Variants in PAX5 observed in about 807,000 individuals in gnomAD.
PAX5 encodes the protein paired box 5, also known as paired box protein Pax-5.
A neutral mutation model predicts 43.7 loss-of-function variants in PAX5; 9 were observed. That is an observed-to-expected ratio of 0.21 (90% CI 0.12 to 0.36). PAX5 has a LOEUF of 0.36. PAX5 is among the 10% of genes least tolerant of loss of function. The probability of loss-of-function intolerance (pLI) is 1.00; values close to 1 mark genes in which losing one functional copy is unlikely to be tolerated. For missense variants in PAX5, 383 were observed against 532.7 expected, an observed-to-expected ratio of 0.72 and a Z score of 2.77; for synonymous variants, 228 against 214.3, an observed-to-expected ratio of 1.06 and a Z score of -0.56.
At chr9:36,967,731 G>C (rs1457361621) in intron 5 of PAX5, among the ~76,000 whole-genome samples, 1 of 152,194 alleles carries the variant, frequency 6.6e-6, no homozygotes, top group Non-Finnish European at 1.5e-5. Flanking sequence ...TGAGTGAGTG[G>C]AGGTGAGGGG....
chr9:36,918,632 G>C (rs998575946), intron 7 of PAX5, among the ~76,000 whole-genome samples: 1 of 152,144 alleles, frequency 6.6e-6, no homozygotes, highest in African/African-American at 2.4e-5. Context: ...CTGCACTCCA[G>C]CCTGGGTGAC....
chr9:36,857,180 G>A (rs1432317670), intron 8 of PAX5, among the ~76,000 whole-genome samples: 1 of 152,174 alleles, frequency 6.6e-6, no homozygotes, highest in Non-Finnish European at 1.5e-5. Context: ...TGGAATGAAT[G>A]ATTTAAAAGG....
In PAX5 at chr9:36,844,436, T is replaced by A. The variant is rs1487906212; in HGVS notation, c.1099+2407A>T. ...CTTCCGTATAATAGAGATAATAATA[T>A]GTGCTCTGTAGGGTTGCTGAGAGGA... On this transcript the variant is annotated intron_variant, in intron 9 of 9. Coordinates refer to ENST00000358127, the MANE Select transcript of PAX5 (RefSeq NM_016734.3). Among the ~76,000 whole-genome samples, 3 of 151,978 alleles carry A rather than the reference T, an allele frequency of 2.0e-5. No homozygotes were observed. The East Asian group carries it at 5.8e-4, about 29-fold the overall frequency.
chr9:36,913,806 G>C (rs1031949670), intron 7 of PAX5, among the ~76,000 whole-genome samples: 1 of 152,226 alleles, frequency 6.6e-6, no homozygotes, highest in African/African-American at 2.4e-5. Flanking sequence ...CCTGGGCCGG[G>C]CTCACCATCC....
chr9:36,896,476 C>T (rs1454635938), intron 7 of PAX5, among the ~76,000 whole-genome samples: 2 of 152,068 alleles, frequency 1.3e-5, no homozygotes, highest in East Asian at 3.9e-4. Context: ...ACAGAGGCAC[C>T]TCCCAGGGTG....
At chr9:36,932,751 A>G (rs771188121) in intron 6 of PAX5, among the ~76,000 whole-genome samples, 1 of 152,194 alleles carries the variant, frequency 6.6e-6, no homozygotes, top group Non-Finnish European at 1.5e-5. Flanking sequence ...CCATTAAAAG[A>G]TAAGTGGAGT....
intron 5 of PAX5, among the ~76,000 whole-genome samples, chr9:36,997,722 C>T (rs1467976274): frequency 6.6e-6 from 1 of 152,252 alleles, no homozygotes; most frequent in Non-Finnish European, 1.5e-5. Flanking sequence ...AACTGGGTGG[C>T]ACCCCAGCCT....
intron 5 of PAX5, 36 bp from the exon 6 acceptor site, chr9:36,966,760 G>A (rs751020692): frequency 6.3e-7 from 1 of 1,585,692 alleles, no homozygotes; most frequent in South Asian, 1.1e-5. Context: ...GTGAGTGGAG[G>A]TTATACACGT....
chr9:36,990,794 G>A (rs548828306), intron 5 of PAX5, among the ~76,000 whole-genome samples: 1 of 152,228 alleles, frequency 6.6e-6, no homozygotes, highest in Non-Finnish European at 1.5e-5. Context: ...AGATGGTGGA[G>A]CCCCTGCTTC....
intron 6 of PAX5, among the ~76,000 whole-genome samples, chr9:36,934,854 T>C (rs1205645765): frequency 6.6e-6 from 1 of 152,220 alleles, no homozygotes; most frequent in African/African-American, 2.4e-5. Flanking sequence ...CAGCAGCTCC[T>C]GGCCCAGTGC....
At chr9:37,020,497 C>G in intron 2 of PAX5, 139 bp downstream of exon 2, 1 of 862,846 alleles carries the variant, frequency 1.2e-6, no homozygotes. Context: ...TGGGGCTTTG[C>G]AGACTTTAAA....
At chr9:36,975,389 T>C (rs1476093563) in intron 5 of PAX5, among the ~76,000 whole-genome samples, 1 of 150,994 alleles carries the variant, frequency 6.6e-6, no homozygotes, top group Admixed American at 6.6e-5. Context: ...GCAATTTCTT[T>C]TTTTTTTGTT....
At chr9:36,986,508 G>A (rs1186952289) in intron 5 of PAX5, among the ~76,000 whole-genome samples, 1 of 152,056 alleles carries the variant, frequency 6.6e-6, no homozygotes. Context: ...TCCTTCCCGG[G>A]GGCGCCGCGC....
chr9:36,919,402 G>A (rs1829962017), intron 7 of PAX5, among the ~76,000 whole-genome samples: 1 of 152,228 alleles, frequency 6.6e-6, no homozygotes, highest in South Asian at 2.1e-4. Context: ...GTGGATCAAG[G>A]AAGAATTTCA....
chr9:36,850,213 T>G (rs1587748244), intron 8 of PAX5, among the ~76,000 whole-genome samples: 1 of 151,742 alleles, frequency 6.6e-6, no homozygotes, highest in African/African-American at 2.4e-5. Flanking sequence ...GGGGCAAGAG[T>G]GTAATGCTTT....
In PAX5 at chr9:36,837,263, A is replaced by G. The variant is rs1461046674; in HGVS notation, c.*3297T>C. The G allele has an allele frequency of 4.3e-6, 1 of 233,108 alleles. No individual in the cohort carries two copies. Among genetic ancestry groups the G allele is most frequent in the African/African-American group, 2.2e-5 (1 of 45,338 alleles). 14.4% of individuals were successfully genotyped at this position (233,108 alleles called of 1,614,324 possible). A position where few individuals can be genotyped will look rare whatever the true frequency, so the allele number is the denominator to read the frequency against. Reference sequence around the variant, plus strand: ...AAGTAGGCATCATGCTCTTTGCTCCACAGAGTGGTTGAGGATTGCAAAGCA... The same window carrying G: ...AAGTAGGCATCATGCTCTTTGCTCCGCAGAGTGGTTGAGGATTGCAAAGCA... On this transcript the variant is annotated 3_prime_UTR_variant, in exon 10 of 10. Transcript: ENST00000358127.
intron 5 of PAX5, among the ~76,000 whole-genome samples, chr9:36,990,221 A>C (rs1836807675): frequency 6.6e-6 from 1 of 152,222 alleles, no homozygotes; most frequent in Non-Finnish European, 1.5e-5. Flanking sequence ...CATTCAATTC[A>C]TATAACAGTC....
chr9:36,968,392 C>T (rs1188290108), intron 5 of PAX5, among the ~76,000 whole-genome samples: 3 of 152,152 alleles, frequency 2.0e-5, no homozygotes, highest in Non-Finnish European at 1.5e-5. Context: ...TATCTGGGGA[C>T]AACTGCAATG....
chr9:37,006,340 G>T, intron 4 of PAX5, 133 bp downstream of exon 4: 1 of 591,140 alleles, frequency 1.7e-6, no homozygotes, highest in South Asian at 2.6e-5. Context: ...CTTGGAGAAT[G>T]ACAAAGAAGG....
Sources: allele counts gnomAD v4.1 joint callset (sites outside exome capture counted in the v4.1 genomes callset), GRCh38; gene constraint gnomAD v4.1.1; transcripts MANE v1.5; gene names NCBI Gene and HGNC (gene_info 2026-07-23, HGNC 2026-07-21).